EOGT: variants seen among roughly 807,000 people sequenced by gnomAD.
EOGT encodes the protein EGF domain-specific O-linked N-acetylglucosamine transferase.
In EOGT, 55 loss-of-function variants were observed where a neutral mutation model predicts 70.5. That is an observed-to-expected ratio of 0.78 (90% CI 0.63 to 0.98). EOGT has a LOEUF of 0.98. Ranked by LOEUF, EOGT falls within the 50% of genes least tolerant of loss-of-function variation. EOGT has a pLI of 0.00. For missense variants in EOGT, 703 were observed against 641.9 expected, an observed-to-expected ratio of 1.10 and a Z score of -1.03; for synonymous variants, 246 against 217.1, an observed-to-expected ratio of 1.13 and a Z score of -1.17.
At chr3:68,979,881 A>C in intron 15 of EOGT, 94 bp from the exon 16 acceptor site, 6 of 1,274,454 alleles carry the variant, frequency 4.7e-6, no homozygotes, top group Non-Finnish European at 6.5e-6. Flanking sequence ...TATTTATAAA[A>C]GTGTATTGCC....
chr3:68,997,694 C>T (rs1250876220), intron 10 of EOGT, among the ~76,000 whole-genome samples: 1 of 152,110 alleles, frequency 6.6e-6, no homozygotes, highest in Non-Finnish European at 1.5e-5. Context: ...ATATGTGTGT[C>T]CCAGAGGAAC....
At chr3:68,991,940 C>G (rs2091006272) in intron 10 of EOGT, among the ~76,000 whole-genome samples, 1 of 152,190 alleles carries the variant, frequency 6.6e-6, no homozygotes, top group Non-Finnish European at 1.5e-5. Flanking sequence ...ATAAACCCAT[C>G]AGATCTCATG....
rs35102984 is a variant in EOGT, at chr3:69,007,372, G to T, written c.420+341C>A. Among the ~76,000 whole-genome samples, 6,296 of 152,266 alleles carry T rather than the reference G, an allele frequency of 0.041. 186 individuals are homozygous for T. Among genetic ancestry groups the T allele is most frequent in the Middle Eastern group, 0.075 (22 of 294 alleles). On this transcript the variant is annotated intron_variant, in intron 6 of 17. Transcript: ENST00000383701. ...TAAGTAATAAAAATAAAATAGCTTA[G>T]TTGGGCACAGTGGCTCACGCCTGTA...
At chr3:68,979,884 G>A (rs1278103709) in intron 15 of EOGT, 97 bp from the exon 16 acceptor site, 3 of 1,223,562 alleles carry the variant, frequency 2.5e-6, no homozygotes, top group Admixed American at 2.5e-5. Flanking sequence ...TTATAAAAGT[G>A]TATTGCCCAT....
In EOGT at chr3:69,001,624, G is replaced by A. The variant is rs760892860; in HGVS notation, c.711C>T (p.Phe237=). 2 of 1,602,938 alleles carry A rather than the reference G, an allele frequency of 1.2e-6. No homozygotes were observed. The highest frequency in any genetic ancestry group is 1.7e-6 in the Non-Finnish European group (2 of 1,172,460). The stretch of plus-strand genomic sequence containing the variant: ...ATTTCTCACCTGCATCTAATTTCAT[G>A]AAATATGTTGGTTTTTCAATGACAA... ...CDIVIEKPTY[F]MKLDAGVNMY... The change falls in exon 9 of 18, where the codon TTC becomes TTT. Residue 237 remains phenylalanine (F), a synonymous_variant. Transcript: ENST00000383701.
chr3:68,984,236 C>T (rs1043680124), intron 14 of EOGT, among the ~76,000 whole-genome samples: 3 of 152,130 alleles, frequency 2.0e-5, no homozygotes, highest in Admixed American at 2.0e-4. Flanking sequence ...CTCACACACA[C>T]ACACACGCAC....
chr3:68,989,340 C>T (rs904731365), intron 10 of EOGT, among the ~76,000 whole-genome samples: 10 of 152,128 alleles, frequency 6.6e-5, no homozygotes, highest in Non-Finnish European at 4.4e-5. Flanking sequence ...TATAGATACA[C>T]ACAACACACA....
chr3:68,986,338 G>C (rs2090806929), intron 14 of EOGT, among the ~76,000 whole-genome samples: 1 of 152,094 alleles, frequency 6.6e-6, no homozygotes, highest in Non-Finnish European at 1.5e-5. Flanking sequence ...CATCCTTTGG[G>C]AGGAGCAGGA....
intron 14 of EOGT, among the ~76,000 whole-genome samples, chr3:68,985,214 T>A (rs901581187): frequency 1.3e-5 from 2 of 152,302 alleles, no homozygotes; most frequent in African/African-American, 4.8e-5. Context: ...ATTCCCAACA[T>A]TGCACTATTT....
chr3:68,979,887 T>A, intron 15 of EOGT, 100 bp from the exon 16 acceptor site: 1 of 1,187,118 alleles, frequency 8.4e-7, no homozygotes, highest in Non-Finnish European at 1.1e-6. Flanking sequence ...TAAAAGTGTA[T>A]TGCCCATTTT....
chr3:68,976,268 A>G lies in EOGT; in HGVS notation c.*1350T>C, dbSNP rs2090470305. 6.6e-6 allele frequency: 1 copy of G among 152,238 alleles called. No homozygotes were observed. Among genetic ancestry groups the G allele is most frequent in the Non-Finnish European group, 1.5e-5 (1 of 68,038 alleles). The allele number at this position is 152,238 out of a possible 1,614,324, so 9.4% of individuals were successfully genotyped here. A position where few individuals can be genotyped will look rare whatever the true frequency, so the allele number is the denominator to read the frequency against. ...AGGCTAATTTGAAGTTTTTGAAATT[A>G]AAGACTGGAATACTTTCATGCTGAC... is the stretch of plus-strand genomic sequence containing the variant. On this transcript the variant is annotated 3_prime_UTR_variant, in exon 18 of 18. Transcript: ENST00000383701.
intron 10 of EOGT, among the ~76,000 whole-genome samples, chr3:68,989,415 T>TA (rs11391629): frequency 0.83 from 125,324 of 151,902 alleles, 51,876 homozygotes; most frequent in Admixed American, 0.86. Context: ...GAATGAAAAA[T>TA]CTTTGGAAAA....
chr3:69,009,600 T>A, intron 4 of EOGT, 37 bp downstream of exon 4: 2 of 1,534,916 alleles, frequency 1.3e-6, no homozygotes, highest in Non-Finnish European at 1.8e-6. Flanking sequence ...TGAAATTGCA[T>A]CCTCATAAAA....
At chr3:68,983,512 A>T (rs1035648357) in intron 14 of EOGT, among the ~76,000 whole-genome samples, 6 of 152,264 alleles carry the variant, frequency 3.9e-5, no homozygotes, top group Non-Finnish European at 8.8e-5. Context: ...GGGGATCACC[A>T]CCATTCAGAA....
Position 69,003,212 on chromosome 3 carries a change from A to C in EOGT, c.620+1166T>G, listed in dbSNP as rs147978811. Among the ~76,000 whole-genome samples the C allele has an allele frequency of 4.3e-3, 661 of 152,300 alleles. 5 individuals are homozygous for C. The highest frequency in any genetic ancestry group is 0.015 in the African/African-American group (641 of 41,554). On this transcript the variant is annotated intron_variant, in intron 8 of 17. Transcript: ENST00000383701. ...CTGCACAAGTTAATACTACTGTACC[A>C]ATGTCAATTTCATGGTTGTGATCAT...
chr3:68,983,665 G>C (rs938359415), intron 14 of EOGT, among the ~76,000 whole-genome samples: 20 of 152,152 alleles, frequency 1.3e-4, no homozygotes, highest in African/African-American at 4.6e-4. Context: ...CTTAATCCTC[G>C]TAAGAATCAC....
At chr3:68,985,053 T>C (rs1376057481) in intron 14 of EOGT, among the ~76,000 whole-genome samples, 2 of 152,186 alleles carry the variant, frequency 1.3e-5, no homozygotes, top group East Asian at 3.9e-4. Flanking sequence ...AATAATACAA[T>C]ACCTACCTCA....
chr3:68,977,623 G>A lies in EOGT; in HGVS notation c.1579C>T (p.Leu527=). 6.2e-7 allele frequency: 1 copy of A among 1,613,756 alleles called. No individual in the cohort carries two copies. The highest frequency in any genetic ancestry group is 8.5e-7 in the Non-Finnish European group (1 of 1,179,868). The part of the protein sequence containing the change: ...KWPFKKKHDE[L] Reference sequence around the variant, plus strand: ...TGCAAACAGACTCAGCATATTTATAGCTCATCATGTTTCTTCTTAAATGGC... The same window carrying A: ...TGCAAACAGACTCAGCATATTTATAACTCATCATGTTTCTTCTTAAATGGC... The change falls in exon 18 of 18, where the codon CTA becomes TTA. Residue 527 remains leucine (L), a synonymous_variant. Coordinates refer to ENST00000383701, the MANE Select transcript of EOGT (RefSeq NM_001278689.2).
At position 68,977,614 on chromosome 3, in the gene EOGT, A is replaced by AT; in HGVS notation, c.*3dup. The AT allele has an allele frequency of 1.9e-6, 3 of 1,613,736 alleles. No homozygotes were observed. The highest frequency in any genetic ancestry group is 2.5e-6 in the Non-Finnish European group (3 of 1,179,886). ...CTCTCTTTTTGCAAACAGACTCAGC[A>AT]TATTTATAGCTCATCATGTTTCTTC... is the stretch of plus-strand genomic sequence containing the variant. On this transcript the variant is annotated 3_prime_UTR_variant, in exon 18 of 18. Transcript: ENST00000383701.
Sources: allele counts gnomAD v4.1 joint callset (sites outside exome capture counted in the v4.1 genomes callset), GRCh38; gene constraint gnomAD v4.1.1; transcripts MANE v1.5; gene names NCBI Gene and HGNC (gene_info 2026-07-23, HGNC 2026-07-21).